Variants in CARS1 observed in about 807,000 individuals in gnomAD.
The protein encoded by CARS1 is cysteine--tRNA ligase, cytoplasmic.
A neutral mutation model predicts 106.2 loss-of-function variants in CARS1; 48 were observed. The observed-to-expected ratio is 0.45, with a 90% CI of 0.36 to 0.57. The LOEUF is 0.57. Among genes scored for constraint, CARS1 ranks in the 20% least tolerant of loss-of-function variants. CARS1 has a pLI of 0.00. For synonymous variants in CARS1, 409 were observed against 403.4 expected (o/e 1.01, Z -0.17); for missense variants, 968 against 1,057.2 (o/e 0.92, Z 1.17).
intron 18 of CARS1, chr11:3,007,849 G>A (rs935937991): frequency 9.2e-5 from 14 of 152,418 alleles, no homozygotes; most frequent in African/African-American, 2.6e-4. Flanking sequence ...TGCTCTGCCC[G>A]AGTTTTCCCG....
intron 1 of CARS1, among the ~76,000 whole-genome samples, chr11:3,049,848 A>G (rs551953257): frequency 6.6e-6 from 1 of 152,346 alleles, no homozygotes; most frequent in Admixed American, 6.5e-5. Flanking sequence ...AAGCCCACAC[A>G]GCTTCTGAAA....
intron 1 of CARS1, among the ~76,000 whole-genome samples, chr11:3,051,377 C>G (rs1386992274): frequency 6.6e-6 from 1 of 152,230 alleles, no homozygotes; most frequent in African/African-American, 2.4e-5. Flanking sequence ...AGCACTGACA[C>G]TGCCGGGGCT....
rs1345685677 is a variant in CARS1, at chr11:3,046,472, G to T, written c.274+1281C>A. On this transcript the variant is annotated intron_variant, in intron 2 of 22. Transcript: ENST00000380525. This position sits in a 1 kb window ranked among gnomAD's most constrained non-coding sequence, Gnocchi z 5.8. ...GCTCAGGCAGGAACGGCTACATGGG[G>T]AAGGACGTGACCTGCACAGCAACGG... Among the ~76,000 whole-genome samples, 1 of 152,176 alleles carries T rather than the reference G, an allele frequency of 6.6e-6. No homozygotes were observed. Among genetic ancestry groups the T allele is most frequent in the African/African-American group, 2.4e-5 (1 of 41,442 alleles).
At chr11:3,002,444 C>T (rs1462410934) in intron 21 of CARS1, 97 bp downstream of exon 21, 18 of 1,567,778 alleles carry the variant, frequency 1.1e-5, no homozygotes, top group Non-Finnish European at 1.4e-5. Context: ...CTGCAGGGGC[C>T]TGGCTAAGGT....
rs1247555991 is a variant in CARS1, at chr11:3,034,255, CT to C, written c.801+3794del. Among the ~76,000 whole-genome samples, 1 of 151,972 alleles carries C rather than the reference CT, an allele frequency of 6.6e-6. No individual in the cohort carries two copies. The highest frequency in any genetic ancestry group is 1.5e-5 in the Non-Finnish European group (1 of 68,000). On this transcript the variant is annotated intron_variant, in intron 7 of 22. Coordinates refer to ENST00000380525, the MANE Select transcript of CARS1 (RefSeq NM_001014437.3). This position sits in a 1 kb window ranked among gnomAD's most constrained non-coding sequence, Gnocchi z 6.3. ...TTTGTTTTTTTGAGACAGTCTCACT[CT>C]GTTTCCCAGGCTGGAATGCAGTGGC...
intron 2 of CARS1, among the ~76,000 whole-genome samples, chr11:3,047,276 CAAAA>C (rs59525343): frequency 1.1e-4 from 9 of 84,514 alleles, no homozygotes; most frequent in Non-Finnish European, 1.8e-4. Flanking sequence ...GACTCCATCT[CAAAA>C]AAAAAAAAAA....
chr11:3,014,676 G>A (rs1412542203), intron 17 of CARS1, among the ~76,000 whole-genome samples: 1 of 152,248 alleles, frequency 6.6e-6, no homozygotes, highest in African/African-American at 2.4e-5. Flanking sequence ...ACCAAAGAAG[G>A]TTCATATCAG....
Position 3,019,217 on chromosome 11 carries a change from T to C in CARS1, c.1317A>G (p.Leu439=), listed in dbSNP as rs1311273909. 9 of 1,511,204 alleles carry C rather than the reference T, an allele frequency of 6.0e-6. No individual in the cohort carries two copies. Among genetic ancestry groups the C allele is most frequent in the Non-Finnish European group, 8.0e-6 (9 of 1,128,972 alleles). The allele number at this position is 1,511,204 out of a possible 1,614,324, so 93.6% of individuals were successfully genotyped here. A position where few individuals can be genotyped will look rare whatever the true frequency, so the allele number is the denominator to read the frequency against. Residue 439 remains leucine, a synonymous_variant, in exon 12 of 23, where the codon CTA becomes CTG. Coordinates refer to ENST00000380525, the MANE Select transcript of CARS1 (RefSeq NM_001014437.3). This position sits in a 1 kb window ranked among gnomAD's most constrained non-coding sequence, Gnocchi z 6.2. ...CTCCGTGAATGTCCATCGAAGCCCC[T>C]AGGAGGGTGCCTGCCATGGCCGAGC... ...IECSAMAGTL[L]GASMDIHGGG... is the part of the protein sequence containing the mutation.
chr11:3,024,811 G>C (rs1003764059), intron 10 of CARS1, among the ~76,000 whole-genome samples: 1 of 152,202 alleles, frequency 6.6e-6, no homozygotes, highest in Admixed American at 6.5e-5. Flanking sequence ...ACAGAATGAG[G>C]GTTCCTTGAA....
At chr11:3,024,700 G>A (rs988510782) in intron 10 of CARS1, among the ~76,000 whole-genome samples, 10 of 152,206 alleles carry the variant, frequency 6.6e-5, no homozygotes, top group Admixed American at 2.6e-4. Context: ...CTCCTGCCTC[G>A]GCCTCCCAAA....
intron 2 of CARS1, chr11:3,042,460 T>C: frequency 3.6e-6 from 2 of 550,862 alleles, no homozygotes; most frequent in Non-Finnish European, 6.5e-6. Context: ...AGTCTCGCTC[T>C]GTCGCCCAGG....
chr11:3,041,061 A>G lies in CARS1; in HGVS notation c.367-77T>C, dbSNP rs1172245960. 6.2e-7 allele frequency: 1 copy of G among 1,609,596 alleles called. No individual in the cohort carries two copies. The highest frequency in any genetic ancestry group is 8.5e-7 in the Non-Finnish European group (1 of 1,177,186). ...ACAGGATTACCAAAAACAGCAACAA[A>G]CATCACAGTGTGGTTTGTGTTTAGT... is the stretch of plus-strand genomic sequence containing the variant. On this transcript the variant is annotated intron_variant, in intron 3 of 22. Transcript: ENST00000380525. This position sits in a 1 kb window ranked among gnomAD's most constrained non-coding sequence, Gnocchi z 4.9.
At chr11:3,054,888 CCG>C (rs1466513200) in intron 1 of CARS1, 2 of 702,584 alleles carry the variant, frequency 2.8e-6, no homozygotes, top group Non-Finnish European at 2.6e-6. Flanking sequence ...TGATGAGCAG[CCG>C]ACCAAGTGGT....
At chr11:3,016,377 T>C (rs1021252621) in intron 16 of CARS1, among the ~76,000 whole-genome samples, 2 of 151,940 alleles carry the variant, frequency 1.3e-5, no homozygotes, top group South Asian at 2.1e-4. Flanking sequence ...CCCGCCACCA[T>C]GCCTGGCTAG....
Position 3,041,588 on chromosome 11 carries a change from C to G in CARS1, c.366+577G>C, listed in dbSNP as rs181635798. 2.0e-5 allele frequency among the ~76,000 whole-genome samples: 3 copies of G among 152,130 alleles called. No homozygotes were observed. Among genetic ancestry groups the G allele is most frequent in the Non-Finnish European group, 2.9e-5 (2 of 68,028 alleles). On this transcript the variant is annotated intron_variant, in intron 3 of 22. Coordinates refer to ENST00000380525, the MANE Select transcript of CARS1 (RefSeq NM_001014437.3). This position sits in a 1 kb window ranked among gnomAD's most constrained non-coding sequence, Gnocchi z 4.9. ...AGGAAGGCCATGAACTCCCTCACAC[C>G]TGACTCTCTGTCTGCCAAACATGCT...
rs1306254396 is a variant in CARS1, at chr11:3,037,606, G to C, written c.801+444C>G. Among the ~76,000 whole-genome samples the C allele has an allele frequency of 6.6e-6, 1 of 152,192 alleles. No homozygotes were observed. Among genetic ancestry groups the C allele is most frequent in the Admixed American group, 6.5e-5 (1 of 15,284 alleles). The stretch of plus-strand genomic sequence containing the variant: ...AGGAGATATTGGCAGGGGCAGGAGA[G>C]CTGGTCAACGTGAAGGCCCCAAGCT... On this transcript the variant is annotated intron_variant, in intron 7 of 22. Coordinates refer to ENST00000380525, the MANE Select transcript of CARS1 (RefSeq NM_001014437.3). This position sits in a 1 kb window ranked among gnomAD's most constrained non-coding sequence, Gnocchi z 5.9.
intron 1 of CARS1, among the ~76,000 whole-genome samples, chr11:3,049,850 C>T (rs1197952046): frequency 1.3e-5 from 2 of 152,252 alleles, no homozygotes; most frequent in Non-Finnish European, 2.9e-5. Context: ...GCCCACACAG[C>T]TTCTGAAAAC....
chr11:3,026,818 T>C, intron 9 of CARS1, 21 bp from the exon 10 acceptor site: 2 of 1,604,330 alleles, frequency 1.2e-6, no homozygotes, highest in African/African-American at 1.3e-5. Context: ...GAAAAGGAAT[T>C]GGGTGGGTGC....
Position 3,052,481 on chromosome 11 carries a change from C to T in CARS1, c.26-4480G>A, listed in dbSNP as rs1221378439. Among the ~76,000 whole-genome samples the T allele has an allele frequency of 2.0e-5, 3 of 152,172 alleles. No homozygotes were observed. The highest frequency in any genetic ancestry group is 4.8e-5 in the African/African-American group (2 of 41,434). On this transcript the variant is annotated intron_variant, in intron 1 of 22. Coordinates refer to ENST00000380525, the MANE Select transcript of CARS1 (RefSeq NM_001014437.3). This position sits in a 1 kb window ranked among gnomAD's most constrained non-coding sequence, Gnocchi z 4.6. ...CTGGAGTTTTCCTAGGGCTCACACA[C>T]CCATTTTTATTTAATTAATTTTATT...
Sources: gnomAD v4.1 joint callset for allele counts (sites outside exome capture counted in the v4.1 genomes callset) on GRCh38, gnomAD v4.1.1 for gene constraint, Gnocchi (gnomAD v3.1) non-coding constraint, MANE v1.5 for transcripts, NCBI Gene and HGNC (gene_info 2026-07-23, HGNC 2026-07-21) for gene names.